DNAH14: variants seen among roughly 807,000 people sequenced by gnomAD.
DNAH14 encodes dynein axonemal heavy chain 14, also known as axonemal beta dynein heavy chain 14.
A neutral mutation model predicts 520.9 loss-of-function variants in DNAH14; 478 were observed. The observed-to-expected ratio is 0.92, with a 90% CI of 0.85 to 0.99. DNAH14 has a LOEUF of 0.99. Among genes scored for constraint, DNAH14 ranks in the 50% least tolerant of loss-of-function variants. The probability of loss-of-function intolerance (pLI) is 0.00; values close to 1 mark genes in which losing one functional copy is unlikely to be tolerated. For missense variants in DNAH14, 4,831 were observed against 5,234.5 expected, an observed-to-expected ratio of 0.92 and a Z score of 2.38; for synonymous variants, 1,581 against 1,757.2, an observed-to-expected ratio of 0.90 and a Z score of 2.51.
intron 60 of DNAH14, among the ~76,000 whole-genome samples, chr1:225,316,660 G>A (rs550329020): frequency 1.0e-3 from 156 of 152,218 alleles, no homozygotes; most frequent in African/African-American, 3.6e-3. Flanking sequence ...CCCTGCTTCA[G>A]TTCTCCCTCC....
intron 84 of DNAH14, among the ~76,000 whole-genome samples, chr1:225,394,071 C>T (rs1483810404): frequency 3.9e-5 from 6 of 152,084 alleles, no homozygotes; most frequent in South Asian, 4.1e-4. Context: ...CCCCCTGCTC[C>T]GCCTCCCAAA....
At chr1:225,342,815 C>T (rs549637059) in intron 69 of DNAH14, among the ~76,000 whole-genome samples, 5 of 152,072 alleles carry the variant, frequency 3.3e-5, no homozygotes, top group African/African-American at 9.6e-5. Flanking sequence ...AACACTGGAA[C>T]TTTTGGGGCG....
At chr1:225,233,182 C>G (rs557588834) in intron 42 of DNAH14, among the ~76,000 whole-genome samples, 1 of 152,206 alleles carries the variant, frequency 6.6e-6, no homozygotes, top group Non-Finnish European at 1.5e-5. Flanking sequence ...GTATATGTAC[C>G]ACATTTTCTC....
Position 225,240,650 on chromosome 1 carries a change from A to G in DNAH14, c.6576A>G (p.Gln2192=), listed in dbSNP as rs1199737916. The change falls in exon 43 of 86, where the codon CAA becomes CAG. Residue 2192 remains glutamine, a synonymous_variant. Coordinates refer to ENST00000682510, the MANE Select transcript of DNAH14 (RefSeq NM_001367479.1). Reference sequence around the variant, plus strand: ...CTGATAAATTAACAAAAATTATTCAAAAGCTTTTTGTGTTTGCCTTTACTT... The same window carrying G: ...CTGATAAATTAACAAAAATTATTCAGAAGCTTTTTGTGTTTGCCTTTACTT... The part of the protein sequence containing the change: ...KNPDKLTKII[Q]KLFVFAFTWA... The G allele has an allele frequency of 1.2e-4, 180 of 1,550,704 alleles. No individual in the cohort carries two copies. Among genetic ancestry groups the G allele is most frequent in the Non-Finnish European group, 1.5e-4 (174 of 1,146,422 alleles).
intron 1 of DNAH14, among the ~76,000 whole-genome samples, chr1:224,946,088 T>C (rs1223381527): frequency 6.6e-6 from 1 of 152,152 alleles, no homozygotes; most frequent in Non-Finnish European, 1.5e-5. Flanking sequence ...CCCCCAGAGG[T>C]GGAGTCTACA....
chr1:225,358,710 C>G (rs1309387433), intron 74 of DNAH14, 58 bp downstream of exon 74: 10 of 1,483,602 alleles, frequency 6.7e-6, no homozygotes, highest in Non-Finnish European at 1.8e-6. Flanking sequence ...TGTCCCCACC[C>G]AAATCTTACC....
chr1:225,160,449 A>T (rs1020529240), intron 35 of DNAH14, among the ~76,000 whole-genome samples: 1 of 152,200 alleles, frequency 6.6e-6, no homozygotes, highest in African/African-American at 2.4e-5. Context: ...CACATGAAAA[A>T]CTTACACACA....
chr1:225,243,637 T>C (rs1452758044), intron 43 of DNAH14, among the ~76,000 whole-genome samples: 2 of 152,096 alleles, frequency 1.3e-5, no homozygotes, highest in East Asian at 3.9e-4. Context: ...AAAGAACATA[T>C]AGCTATGAAA....
chr1:225,152,252 G>A (rs1236397422), intron 32 of DNAH14, among the ~76,000 whole-genome samples, 179 bp downstream of exon 32: 2 of 152,082 alleles, frequency 1.3e-5, no homozygotes, highest in African/African-American at 4.8e-5. Context: ...TGTTCATATG[G>A]ATAAGGATAA....
At chr1:225,042,792 T>G in intron 12 of DNAH14, 43 bp from the exon 13 acceptor site, 1 of 1,513,746 alleles carries the variant, frequency 6.6e-7, no homozygotes, top group Non-Finnish European at 8.8e-7. Flanking sequence ...GTTCTGTAAG[T>G]TATATGTTGT....
intron 66 of DNAH14, among the ~76,000 whole-genome samples, chr1:225,335,612 T>C (rs533539607): frequency 2.8e-5 from 4 of 145,374 alleles, no homozygotes; most frequent in African/African-American, 7.7e-5. Flanking sequence ...TACGTATATG[T>C]GTATATACGC....
At chr1:225,244,298 T>C (rs752288119) in intron 43 of DNAH14, among the ~76,000 whole-genome samples, 4 of 152,214 alleles carry the variant, frequency 2.6e-5, no homozygotes, top group Non-Finnish European at 5.9e-5. Context: ...ATCAGGGATA[T>C]TGGCCTGAAA....
chr1:225,007,927 CT>C (rs71170042), intron 10 of DNAH14, among the ~76,000 whole-genome samples: 61 of 144,284 alleles, frequency 4.2e-4, no homozygotes, highest in Non-Finnish European at 4.6e-4. Context: ...TTTCTTTTTT[CT>C]TTTTTTTTTT....
intron 39 of DNAH14, among the ~76,000 whole-genome samples, chr1:225,205,124 T>C (rs1343611461): frequency 6.6e-6 from 1 of 152,172 alleles, no homozygotes; most frequent in Non-Finnish European, 1.5e-5. Flanking sequence ...TTTTCTAAAA[T>C]TGTGGAGCAC....
intron 54 of DNAH14, among the ~76,000 whole-genome samples, chr1:225,278,951 C>T (rs1439775720): frequency 6.6e-6 from 1 of 152,066 alleles, no homozygotes; most frequent in Non-Finnish European, 1.5e-5. Context: ...ATTCCTGATT[C>T]CTCTGATCCT....
At position 225,080,444 on chromosome 1, in the gene DNAH14, T is replaced by C; in HGVS notation, c.2832T>C (p.Thr944=). The C allele has an allele frequency of 1.9e-6, 3 of 1,551,336 alleles. No homozygotes were observed. Among genetic ancestry groups the C allele is most frequent in the Non-Finnish European group, 2.6e-6 (3 of 1,146,906 alleles). ...CAACAGCAATGGAAATGATCCAGAC[T>C]CTCTCAGGGGAAGCTGCAAGTTTAA... ...QVSTAMEMIQ[T]LSGEAASLTN... The change falls in exon 19 of 86, where the codon ACT becomes ACC. Residue 944 remains threonine (T), a synonymous_variant. Coordinates refer to ENST00000682510, the MANE Select transcript of DNAH14 (RefSeq NM_001367479.1).
At chr1:225,213,514 C>A (rs1189358625) in intron 41 of DNAH14, among the ~76,000 whole-genome samples, 6 of 152,184 alleles carry the variant, frequency 3.9e-5, no homozygotes, top group Non-Finnish European at 8.8e-5. Flanking sequence ...GCCATTTTCA[C>A]AATGTTGATT....
At chr1:224,932,645 T>A (rs1023719884) in intron 1 of DNAH14, among the ~76,000 whole-genome samples, 1 of 152,180 alleles carries the variant, frequency 6.6e-6, no homozygotes, top group Non-Finnish European at 1.5e-5. Flanking sequence ...TTCTTCTGCA[T>A]GTGGCTGTCC....
chr1:225,136,427 G>A lies in DNAH14; in HGVS notation c.4255-4341G>A, dbSNP rs191611340. Among the ~76,000 whole-genome samples the A allele has an allele frequency of 3.4e-4, 51 of 152,190 alleles. No individual in the cohort carries two copies. The East Asian group carries it at 7.4e-3, about 22-fold the overall frequency. ...TTTGCTTATGAAGCTTAGTTTGGCC[G>A]GATATGAAATTCTGGACTGGAAATT... On this transcript the variant is annotated intron_variant, in intron 27 of 85. Coordinates refer to ENST00000682510, the MANE Select transcript of DNAH14 (RefSeq NM_001367479.1).
Sources: allele counts gnomAD v4.1 joint callset (sites outside exome capture counted in the v4.1 genomes callset), GRCh38; gene constraint gnomAD v4.1.1; transcripts MANE v1.5; gene names NCBI Gene and HGNC (gene_info 2026-07-23, HGNC 2026-07-21).